The following FOCAD variants were observed in gnomAD, a reference collection of about 807,000 sequenced individuals.
FOCAD encodes focadhesin, also known as KIAA1797.
A neutral mutation model predicts 225.6 loss-of-function variants in FOCAD; 198 were observed. The ratio of observed to expected loss-of-function variants is 0.88; its 90% CI spans 0.78 to 0.99. The LOEUF (loss-of-function observed/expected upper bound fraction) is 0.99. FOCAD is among the 50% of genes least tolerant of loss of function. The pLI is 0.00. For missense variants in FOCAD, 2,713 were observed against 2,123.6 expected, an observed-to-expected ratio of 1.28 and a Z score of -5.46; for synonymous variants, 897 against 755.0, an observed-to-expected ratio of 1.19 and a Z score of -3.08.
At chr9:20,885,079 A>G (rs1830996971) in intron 20 of FOCAD, 30 bp from the exon 21 acceptor site, 2 of 1,262,032 alleles carry the variant, frequency 1.6e-6, no homozygotes, top group Non-Finnish European at 2.1e-6. Context: ...AAATAAAAAT[A>G]AAATAAAGTC....
At chr9:20,689,124 A>G (rs2131337044) in intron 1 of FOCAD, among the ~76,000 whole-genome samples, 1 of 152,348 alleles carries the variant, frequency 6.6e-6, no homozygotes, top group South Asian at 2.1e-4. Flanking sequence ...AAGTAAATAT[A>G]CAAGTGTTTG....
chr9:20,935,406 T>G (rs1203607132), intron 28 of FOCAD, among the ~76,000 whole-genome samples: 1 of 152,154 alleles, frequency 6.6e-6, no homozygotes, highest in East Asian at 1.9e-4. Context: ...TATTTTTATT[T>G]ATGTATTTAT....
chr9:20,887,323 C>T (rs1761738342), intron 21 of FOCAD, among the ~76,000 whole-genome samples: 1 of 152,072 alleles, frequency 6.6e-6, no homozygotes, highest in Non-Finnish European at 1.5e-5. Context: ...CAACCTCTGC[C>T]TCCTGGGTTC....
At chr9:20,658,552 C>T (rs976125635) in intron 1 of FOCAD, 1 of 153,992 alleles carries the variant, frequency 6.5e-6, no homozygotes, top group Admixed American at 6.5e-5. Flanking sequence ...TAGGTGCCGT[C>T]TGTCACCCCT....
chr9:20,926,371 A>G lies in FOCAD; in HGVS notation c.3032A>G (p.Asp1011Gly), dbSNP rs75465271. 2.7e-4 allele frequency: 431 copies of G among 1,613,750 alleles called. 2 individuals carry two copies. The African/African-American group carries it at 5.5e-3, about 20-fold the overall frequency. ...CTTGATACACTCTTGGTCATTGTGG[A>G]TAGCCATTACCAACCCAGAGGGCAA... is the stretch of plus-strand genomic sequence containing the variant. ...MVLDTLLVIVDSHYQPRGQLL... is the reference protein window; with the variant it reads ...MVLDTLLVIVGSHYQPRGQLL... Residue 1011 changes from aspartate to glycine, a missense_variant, in exon 26 of 44, where the codon GAT (aspartate) becomes GGT (glycine). By Grantham distance (94) the Asp-to-Gly change is moderately conservative. Transcript: ENST00000338382.
chr9:20,677,959 A>AATGT (rs1243531211), intron 2 of FOCAD, among the ~76,000 whole-genome samples: 20 of 152,296 alleles, frequency 1.3e-4, no homozygotes, highest in Middle Eastern at 3.4e-3. Context: ...GGATAAAGAA[A>AATGT]ATGTATGTAT....
At chr9:20,822,819 G>T (rs1431813546) in intron 14 of FOCAD, among the ~76,000 whole-genome samples, 170 bp from the exon 15 acceptor site, 3 of 64,442 alleles carry the variant, frequency 4.7e-5, no homozygotes. Context: ...AGCAGAAAAT[G>T]ATCATGATGC....
At chr9:20,746,085 C>T (rs952520115) in intron 5 of FOCAD, among the ~76,000 whole-genome samples, 6 of 152,236 alleles carry the variant, frequency 3.9e-5, no homozygotes, top group African/African-American at 1.4e-4. Context: ...TAAAGAAAAG[C>T]AATAGCAAGT....
intron 18 of FOCAD, 38 bp downstream of exon 18, chr9:20,867,050 T>G: frequency 7.2e-7 from 1 of 1,389,896 alleles, no homozygotes; most frequent in Non-Finnish European, 1.0e-6. Flanking sequence ...TTTCTTAATT[T>G]GCTAGGGTTT....
intron 5 of FOCAD, among the ~76,000 whole-genome samples, chr9:20,750,546 G>A (rs1446050020): frequency 6.6e-6 from 1 of 152,128 alleles, no homozygotes; most frequent in Non-Finnish European, 1.5e-5. Flanking sequence ...CACAGTGAAG[G>A]AGACATTAGA....
chr9:20,730,484 G>A (rs1414255146), intron 4 of FOCAD, among the ~76,000 whole-genome samples: 1 of 152,046 alleles, frequency 6.6e-6, no homozygotes, highest in Non-Finnish European at 1.5e-5. Context: ...ATGAGCTTAT[G>A]GATTTAAACA....
At position 20,820,307 on chromosome 9, in the gene FOCAD, T is replaced by G. The variant is rs1363043879; in HGVS notation, c.1561-17T>G. On this transcript the variant is annotated splice_polypyrimidine_tract_variant and intron_variant, in intron 12 of 43. Transcript: ENST00000338382. ...CATTCAAGTTTATGCAACTAGAGTT[T>G]CTTCAATATTTTCTAGGTGTGTATA... 9 of 1,575,632 alleles carry G rather than the reference T, an allele frequency of 5.7e-6. No individual in the cohort carries two copies. Among genetic ancestry groups the G allele is most frequent in the Non-Finnish European group, 7.8e-6 (9 of 1,157,148 alleles).
intron 5 of FOCAD, among the ~76,000 whole-genome samples, chr9:20,740,845 A>T (rs1827558333): frequency 6.6e-6 from 1 of 152,216 alleles, no homozygotes; most frequent in African/African-American, 2.4e-5. Context: ...TTAAAAAAAT[A>T]AAATACACAC....
chr9:20,754,518 G>C (rs982497088), intron 5 of FOCAD, among the ~76,000 whole-genome samples: 1 of 151,012 alleles, frequency 6.6e-6, no homozygotes, highest in African/African-American at 2.4e-5. Flanking sequence ...TTTTCATTCA[G>C]TGTTAGGAAA....
At chr9:20,872,413 A>C (rs1200969026) in intron 18 of FOCAD, among the ~76,000 whole-genome samples, 1 of 152,120 alleles carries the variant, frequency 6.6e-6, no homozygotes, top group Non-Finnish European at 1.5e-5. Flanking sequence ...TAATTCTGGA[A>C]GCATTTGGTC....
In FOCAD at chr9:20,820,350, A is replaced by G. The variant is rs770839489; in HGVS notation, c.1587A>G (p.Ile529Met). The change falls in exon 13 of 44, where the codon ATA (isoleucine) becomes ATG (methionine). Residue 529 changes from isoleucine (I) to methionine (M), a missense_variant. Physicochemically the swap from Ile to Met is conservative, Grantham distance 10 (BLOSUM62 1). Coordinates refer to ENST00000338382, the MANE Select transcript of FOCAD (RefSeq NM_001375567.1). ...TGTGTATAGGACAAATTCTACGAAT[A>G]ATACAACTACTTGGAACCACACCAC... Reference protein sequence around the residue: ...HKVCIGQILRIIQLLGTTPRL... With the variant: ...HKVCIGQILRMIQLLGTTPRL... 13 of 1,612,612 alleles carry G rather than the reference A, an allele frequency of 8.1e-6. No homozygotes were observed. The South Asian group carries it at 1.3e-4, about 16-fold the overall frequency.
At chr9:20,892,656 C>G (rs1226436193) in intron 21 of FOCAD, among the ~76,000 whole-genome samples, 2 of 151,960 alleles carry the variant, frequency 1.3e-5, no homozygotes, top group African/African-American at 4.8e-5. Flanking sequence ...GAATCTACTC[C>G]TGGTGAAGAT....
intron 1 of FOCAD, among the ~76,000 whole-genome samples, chr9:20,695,666 A>G (rs1251287532): frequency 6.6e-6 from 1 of 152,168 alleles, no homozygotes; most frequent in Admixed American, 6.5e-5. Context: ...CCATCTACCT[A>G]CTAACTTACC....
chr9:20,929,738 T>C (rs1835290530), intron 27 of FOCAD, 142 bp downstream of exon 27: 12 of 646,000 alleles, frequency 1.9e-5, no homozygotes, highest in Non-Finnish European at 3.2e-5. Context: ...GTTGATCCTT[T>C]ATTCTTCTTT....
Sources: gnomAD v4.1 joint callset for allele counts (sites outside exome capture counted in the v4.1 genomes callset) on GRCh38, gnomAD v4.1.1 for gene constraint, MANE v1.5 for transcripts, NCBI Gene and HGNC (gene_info 2026-07-23, HGNC 2026-07-21) for gene names.